MELK: variants seen among roughly 807,000 people sequenced by gnomAD.
MELK encodes the protein maternal embryonic leucine zipper kinase, also known as pEg3 kinase.
MELK carries 81 observed loss-of-function variants against 85.0 expected under a neutral mutation model. That is an observed-to-expected ratio of 0.95 (90% CI 0.80 to 1.15). The LOEUF is 1.15. Among genes scored for constraint, MELK ranks in the 50% most tolerant of loss-of-function variants. The pLI is 0.00. For missense variants in MELK, 754 were observed against 777.5 expected, an observed-to-expected ratio of 0.97 and a Z score of 0.36; for synonymous variants, 252 against 265.0, an observed-to-expected ratio of 0.95 and a Z score of 0.48.
At chr9:36,674,739 A>G in intron 16 of MELK, 95 bp from the exon 17 acceptor site, 1 of 678,958 alleles carries the variant, frequency 1.5e-6, no homozygotes, top group Non-Finnish European at 2.5e-6. Context: ...TTGAAACAGT[A>G]CTATATTGAG....
intron 11 of MELK, among the ~76,000 whole-genome samples, chr9:36,649,867 T>C (rs962504246): frequency 6.6e-6 from 1 of 152,292 alleles, no homozygotes; most frequent in South Asian, 2.1e-4. Context: ...GGAGGATTGG[T>C]TGAGGCCAGG....
intron 1 of MELK, among the ~76,000 whole-genome samples, chr9:36,580,116 C>T (rs112252815): frequency 1.4e-4 from 21 of 148,088 alleles, no homozygotes; most frequent in Admixed American, 2.1e-4. Flanking sequence ...GGCGTGATCT[C>T]GGCTCACTGC....
intron 17 of MELK, 145 bp downstream of exon 17, chr9:36,675,082 T>TTCGAGAG: frequency 1.9e-6 from 1 of 522,684 alleles, no homozygotes; most frequent in Non-Finnish European, 3.4e-6. Flanking sequence ...GGCCAAGAGT[T>TTCGAGAG]CAAGTTCAGC....
At chr9:36,660,055 T>A (rs1182236071) in intron 13 of MELK, among the ~76,000 whole-genome samples, 4 of 152,154 alleles carry the variant, frequency 2.6e-5, no homozygotes, top group Non-Finnish European at 5.9e-5. Context: ...TGCCTCAGCC[T>A]CCCAAAGTGC....
At chr9:36,578,557 T>C (rs1343859914) in intron 1 of MELK, among the ~76,000 whole-genome samples, 1 of 152,150 alleles carries the variant, frequency 6.6e-6, no homozygotes, top group Admixed American at 6.6e-5. Flanking sequence ...AGGGGCAGAA[T>C]GAGGGAAGAA....
At chr9:36,586,043 T>G (rs1366438344) in intron 3 of MELK, among the ~76,000 whole-genome samples, 1 of 151,920 alleles carries the variant, frequency 6.6e-6, no homozygotes, top group East Asian at 1.9e-4. Flanking sequence ...GATTAACACA[T>G]AAATAAGTCA....
At chr9:36,663,602 C>T (rs1832064416) in intron 13 of MELK, among the ~76,000 whole-genome samples, 1 of 152,144 alleles carries the variant, frequency 6.6e-6, no homozygotes, top group Non-Finnish European at 1.5e-5. Flanking sequence ...CCTTTTTTAG[C>T]ACCCACTTAT....
intron 8 of MELK, among the ~76,000 whole-genome samples, chr9:36,616,615 C>T (rs1016018135): frequency 6.6e-6 from 1 of 151,914 alleles, no homozygotes; most frequent in African/African-American, 2.4e-5. Flanking sequence ...GTCTCGAACT[C>T]CTGACCTTAG....
chr9:36,626,503 C>A (rs1303875115), intron 8 of MELK, among the ~76,000 whole-genome samples: 1 of 152,182 alleles, frequency 6.6e-6, no homozygotes, highest in Admixed American at 6.6e-5. Context: ...TGCACACTTA[C>A]ACGTAGACAT....
At chr9:36,673,649 C>G (rs936240627) in intron 16 of MELK, among the ~76,000 whole-genome samples, 5 of 152,176 alleles carry the variant, frequency 3.3e-5, no homozygotes, top group Non-Finnish European at 1.5e-5. Flanking sequence ...TCTTGAACTC[C>G]TGAGCCCAAG....
chr9:36,602,948 A>C (rs868837118), intron 7 of MELK, among the ~76,000 whole-genome samples: 3 of 152,194 alleles, frequency 2.0e-5, no homozygotes, highest in Admixed American at 6.5e-5. Context: ...GTGCCTTTGC[A>C]GGGTCACACA....
At chr9:36,628,940 C>T (rs1828223228) in intron 8 of MELK, among the ~76,000 whole-genome samples, 1 of 146,802 alleles carries the variant, frequency 6.8e-6, no homozygotes, top group Admixed American at 6.9e-5. Context: ...GATCTGGGCT[C>T]ACCGCAACCT....
At chr9:36,674,570 C>A (rs1319573026) in intron 16 of MELK, among the ~76,000 whole-genome samples, 1 of 152,108 alleles carries the variant, frequency 6.6e-6, no homozygotes, top group Admixed American at 6.6e-5. Context: ...ATATTTATTT[C>A]TTTAAAAGGA....
intron 12 of MELK, among the ~76,000 whole-genome samples, chr9:36,655,478 G>GAGAGAA (rs1831154190): frequency 7.1e-6 from 1 of 140,792 alleles, no homozygotes; most frequent in African/African-American, 2.6e-5. Context: ...GAGAGAGAGA[G>GAGAGAA]AACGCAAGTG....
intron 8 of MELK, among the ~76,000 whole-genome samples, chr9:36,620,002 C>G (rs2136195808): frequency 6.6e-6 from 1 of 152,320 alleles, no homozygotes; most frequent in South Asian, 2.1e-4. Context: ...ACTTACCAGG[C>G]TGTGCTCTAA....
chr9:36,663,703 G>T (rs777438486), intron 13 of MELK, among the ~76,000 whole-genome samples: 43 of 152,106 alleles, frequency 2.8e-4, no homozygotes, highest in Non-Finnish European at 4.7e-4. Flanking sequence ...CAAAAGATAG[G>T]ATTTCATTCT....
At chr9:36,621,397 A>C (rs1212050426) in intron 8 of MELK, among the ~76,000 whole-genome samples, 2 of 145,860 alleles carry the variant, frequency 1.4e-5, no homozygotes, top group African/African-American at 2.7e-5. Context: ...TGCTTAACTA[A>C]GATTTTGTAG....
intron 7 of MELK, among the ~76,000 whole-genome samples, chr9:36,601,098 T>C (rs1824874313): frequency 6.6e-6 from 1 of 152,168 alleles, no homozygotes; most frequent in African/African-American, 2.4e-5. Flanking sequence ...TATATATATT[T>C]TTCCTAAAAG....
chr9:36,588,382 CTT>C (rs113873638), intron 3 of MELK, among the ~76,000 whole-genome samples: 13 of 129,926 alleles, frequency 1.0e-4, no homozygotes, highest in African/African-American at 1.2e-4. Context: ...GAGTCCCTCC[CTT>C]TTTTTTTTTT....
Sources: gnomAD v4.1 joint callset for allele counts (sites outside exome capture counted in the v4.1 genomes callset) on GRCh38, gnomAD v4.1.1 for gene constraint, MANE v1.5 for transcripts, NCBI Gene and HGNC (gene_info 2026-07-23, HGNC 2026-07-21) for gene names.